Variants in STPG2 observed in about 807,000 individuals in gnomAD.
STPG2 encodes the protein sperm tail PG-rich repeat containing 2, also known as sperm-tail PG-rich repeat-containing protein 2.
A neutral mutation model predicts 54.2 loss-of-function variants in STPG2; 56 were observed. The ratio of observed to expected loss-of-function variants is 1.03; its 90% CI spans 0.83 to 1.29. STPG2 has a LOEUF of 1.29. Among genes scored for constraint, STPG2 ranks in the 50% most tolerant of loss-of-function variants. STPG2 has a pLI of 0.00. For synonymous variants in STPG2, 200 were observed against 181.8 expected (o/e 1.10, Z -0.81); for missense variants, 596 against 544.9 (o/e 1.09, Z -0.93).
chr4:97,797,624 A>G (rs1021558618), intron 9 of STPG2, among the ~76,000 whole-genome samples: 2 of 152,204 alleles, frequency 1.3e-5, no homozygotes, highest in Non-Finnish European at 2.9e-5. Context: ...ATTGATGTTC[A>G]TCAGGGATAT....
intron 8 of STPG2, among the ~76,000 whole-genome samples, chr4:97,883,078 G>A (rs779872117): frequency 1.6e-4 from 25 of 151,830 alleles, no homozygotes; most frequent in Non-Finnish European, 3.2e-4. Flanking sequence ...CACACTTTGG[G>A]AGGCTAAGGT....
intron 5 of STPG2, among the ~76,000 whole-genome samples, chr4:98,022,900 A>T (rs994456864): frequency 6.6e-6 from 1 of 152,164 alleles, no homozygotes; most frequent in Non-Finnish European, 1.5e-5. Flanking sequence ...TGCATTGGGT[A>T]TTCTAGTTAT....
At chr4:97,979,242 T>C (rs116420936) in intron 6 of STPG2, among the ~76,000 whole-genome samples, 335 of 127,410 alleles carry the variant, frequency 2.6e-3, no homozygotes, top group African/African-American at 7.9e-3. Flanking sequence ...AAACACAGCC[T>C]ATTTCATAGA....
chr4:97,753,899 T>G (rs1239963760), intron 9 of STPG2, among the ~76,000 whole-genome samples: 1 of 152,080 alleles, frequency 6.6e-6, no homozygotes, highest in Admixed American at 6.6e-5. Flanking sequence ...AAGAGTTCTT[T>G]ATATCTTTTG....
intron 9 of STPG2, among the ~76,000 whole-genome samples, chr4:97,817,383 GGT>G: frequency 6.6e-6 from 1 of 151,730 alleles, no homozygotes. Flanking sequence ...TAATAAAAAT[GGT>G]ATTGAATTAT....
intron 9 of STPG2, among the ~76,000 whole-genome samples, chr4:97,790,151 G>A (rs1726947975): frequency 6.8e-6 from 1 of 147,342 alleles, no homozygotes; most frequent in Non-Finnish European, 1.5e-5. Flanking sequence ...GATCTTTTCT[G>A]CTTTTGCTCA....
intron 5 of STPG2, among the ~76,000 whole-genome samples, chr4:98,065,729 G>A (rs1737813537): frequency 6.6e-6 from 1 of 152,104 alleles, no homozygotes. Flanking sequence ...AAGTACAGAA[G>A]AGGTTCCCAG....
Position 98,109,279 on chromosome 4 carries a change from G to T in STPG2, c.414C>A (p.Tyr138Ter). The T allele has an allele frequency of 1.9e-6, 3 of 1,604,440 alleles. No individual in the cohort carries two copies. The highest frequency in any genetic ancestry group is 3.7e-4 in the Middle Eastern group (2 of 5,390). ...AAGAGTTGCCAAAATGTATACCTTT[G>T]TATTTCAAAGTTGCATTGGAAACAT... ...QFDVSNATLK[Y>*]KGIHFGNSSG... The change falls in exon 4 of 11, where the codon TAC becomes TAA. Residue 138 changes from tyrosine (Y) to a stop codon, truncating the protein, a stop_gained. Transcript: ENST00000295268. LOFTEE classifies it high-confidence loss of function.
chr4:97,833,690 T>A (rs1728543427), intron 9 of STPG2, among the ~76,000 whole-genome samples: 2 of 151,684 alleles, frequency 1.3e-5, no homozygotes, highest in Non-Finnish European at 2.9e-5. Flanking sequence ...AAAAAGTGGG[T>A]GAAGGATATA....
chr4:97,545,727 A>G, intron 4 of STPG2, among the ~76,000 whole-genome samples: 1 of 152,152 alleles, frequency 6.6e-6, no homozygotes, highest in East Asian at 1.9e-4. Context: ...AAATTGGTTG[A>G]ATTCCAAAAA....
chr4:97,585,877 T>TA (rs954029994), intron 10 of STPG2, among the ~76,000 whole-genome samples: 15 of 150,694 alleles, frequency 1.0e-4, no homozygotes, highest in South Asian at 2.1e-4. Context: ...TCTGCTAAAA[T>TA]AAAAAAAAAT....
chr4:98,003,769 G>A (rs1193304266), intron 5 of STPG2, among the ~76,000 whole-genome samples: 1 of 151,964 alleles, frequency 6.6e-6, no homozygotes, highest in African/African-American at 2.4e-5. Context: ...AATGCAATCT[G>A]AATGTATTCA....
At chr4:97,967,595 C>T (rs1312157311) in intron 7 of STPG2, among the ~76,000 whole-genome samples, 1 of 152,086 alleles carries the variant, frequency 6.6e-6, no homozygotes, top group Non-Finnish European at 1.5e-5. Context: ...CAAAATTGAC[C>T]ACATAGTTGG....
intron 10 of STPG2, among the ~76,000 whole-genome samples, chr4:97,667,041 G>C (rs567767423): frequency 6.6e-6 from 1 of 152,184 alleles, no homozygotes; most frequent in South Asian, 2.1e-4. Context: ...CTCAACCTAT[G>C]TTTCTAAAGC....
At chr4:97,855,001 T>C (rs1308716572) in intron 8 of STPG2, among the ~76,000 whole-genome samples, 1 of 152,194 alleles carries the variant, frequency 6.6e-6, no homozygotes, top group Non-Finnish European at 1.5e-5. Context: ...GAACATGCGA[T>C]ATTTAGTTTT....
chr4:97,848,765 C>T (rs1245299996), intron 8 of STPG2, among the ~76,000 whole-genome samples: 1 of 151,176 alleles, frequency 6.6e-6, no homozygotes, highest in Non-Finnish European at 1.5e-5. Context: ...GAATCCTTTC[C>T]CCATTGCTTG....
intron 4 of STPG2, among the ~76,000 whole-genome samples, chr4:97,552,607 A>AAT (rs1731989368): frequency 6.6e-6 from 1 of 152,162 alleles, no homozygotes; most frequent in African/African-American, 2.4e-5. Flanking sequence ...AAATGAATTG[A>AAT]ATATATATGC....
rs572218700 is a variant in STPG2, at chr4:98,125,830, G to A, written c.387+2598C>T. 4.3e-4 allele frequency among the ~76,000 whole-genome samples: 66 copies of A among 152,336 alleles called. 1 individual carries two copies. In the South Asian group the frequency reaches 0.014, roughly 32 times the overall value. On this transcript the variant is annotated intron_variant, in intron 3 of 10. Coordinates refer to ENST00000295268, the MANE Select transcript of STPG2 (RefSeq NM_174952.3). ...CCCTCCCGCCAGGGGCTCTGTCCCA[G>A]GGAGATCAGAGTCCTGTCCATAAAC...
chr4:97,473,634 T>G (rs1729999167), intron 4 of STPG2, among the ~76,000 whole-genome samples: 1 of 152,124 alleles, frequency 6.6e-6, no homozygotes, highest in South Asian at 2.1e-4. Flanking sequence ...CCTTGTGATA[T>G]TCTATTACCT....
Sources: allele counts gnomAD v4.1 joint callset (sites outside exome capture counted in the v4.1 genomes callset), GRCh38; gene constraint gnomAD v4.1.1; transcripts MANE v1.5; gene names NCBI Gene and HGNC (gene_info 2026-07-23, HGNC 2026-07-21).